The following BTRC variants were observed in gnomAD, a reference collection of about 807,000 sequenced individuals.
BTRC encodes the protein F-box/WD repeat-containing protein 1A.
A neutral mutation model predicts 85.5 loss-of-function variants in BTRC; 42 were observed. That is an observed-to-expected ratio of 0.49 (90% confidence interval 0.38 to 0.64). The LOEUF (loss-of-function observed/expected upper bound fraction) is 0.64. Ranked by LOEUF, BTRC falls within the 30% of genes least tolerant of loss-of-function variation. The pLI, the probability that BTRC is intolerant of heterozygous loss-of-function variation, is 0.00. For missense variants in BTRC, 594 were observed against 743.5 expected (o/e 0.80, Z 2.34); for synonymous variants, 255 against 263.3 (o/e 0.97, Z 0.30).
intron 2 of BTRC, among the ~76,000 whole-genome samples, chr10:101,447,836 G>T (rs1007691072): frequency 5.3e-5 from 8 of 152,026 alleles, no homozygotes; most frequent in African/African-American, 1.7e-4. Context: ...TTAAAATTAG[G>T]TTCTGGTCAA....
At chr10:101,499,011 AAAT>A (rs991241928) in intron 4 of BTRC, among the ~76,000 whole-genome samples, 6 of 152,052 alleles carry the variant, frequency 3.9e-5, no homozygotes, top group African/African-American at 9.7e-5. Flanking sequence ...AAACAGAAAA[AAAT>A]AATAATAATA....
At chr10:101,424,871 C>T (rs1396989486) in intron 1 of BTRC, among the ~76,000 whole-genome samples, 1 of 152,116 alleles carries the variant, frequency 6.6e-6, no homozygotes, top group African/African-American at 2.4e-5. Context: ...CTGCACGATG[C>T]TGAGGTTTGG....
At chr10:101,472,683 C>T (rs1035676027) in intron 3 of BTRC, among the ~76,000 whole-genome samples, 1 of 152,088 alleles carries the variant, frequency 6.6e-6, no homozygotes, top group Admixed American at 6.6e-5. Flanking sequence ...GGCATGGTGG[C>T]GCACACCTGT....
intron 1 of BTRC, among the ~76,000 whole-genome samples, chr10:101,407,241 G>C (rs1443124811): frequency 6.6e-6 from 1 of 152,086 alleles, no homozygotes; most frequent in Non-Finnish European, 1.5e-5. Context: ...CCATCTACTT[G>C]GAAGGCTGAG....
At chr10:101,502,998 A>G (rs79843468) in intron 4 of BTRC, among the ~76,000 whole-genome samples, 1,618 of 152,220 alleles carry the variant, frequency 0.011, 12 homozygotes, top group Non-Finnish European at 0.016. Context: ...CTTTATATGT[A>G]TTATTTTAAT....
intron 3 of BTRC, 45 bp from the exon 4 acceptor site, chr10:101,479,323 A>C (rs1246929318): frequency 7.0e-7 from 1 of 1,427,756 alleles, no homozygotes. Context: ...ATATGGCAGT[A>C]TTTCAATATT....
At chr10:101,380,203 G>A (rs80151341) in intron 1 of BTRC, among the ~76,000 whole-genome samples, 10,105 of 152,154 alleles carry the variant, frequency 0.066, 353 homozygotes, top group Non-Finnish European at 0.074. Context: ...ACCTCCTTGA[G>A]TCTCACTTTC....
At chr10:101,362,192 T>C (rs12416079) in intron 1 of BTRC, among the ~76,000 whole-genome samples, 55,002 of 151,798 alleles carry the variant, frequency 0.36, 11,057 homozygotes, top group Middle Eastern at 0.48. Context: ...ATCTCCTCCT[T>C]GTGATTCGCC....
At chr10:101,421,742 A>T (rs1944108043) in intron 1 of BTRC, among the ~76,000 whole-genome samples, 1 of 149,714 alleles carries the variant, frequency 6.7e-6, no homozygotes, top group African/African-American at 2.5e-5. Flanking sequence ...TGTCCTTGTG[A>T]TAGTTTGCTG....
chr10:101,374,814 G>A (rs1019534299), intron 1 of BTRC, among the ~76,000 whole-genome samples: 27 of 151,678 alleles, frequency 1.8e-4, no homozygotes, highest in East Asian at 1.4e-3. Context: ...AAGTTTATCC[G>A]CATAAAAAGT....
intron 3 of BTRC, among the ~76,000 whole-genome samples, chr10:101,462,367 G>T (rs149330036): frequency 1.3e-5 from 2 of 152,056 alleles, no homozygotes; most frequent in Admixed American, 6.6e-5. Flanking sequence ...AGAAGAAAAG[G>T]CCATTGTTAA....
At chr10:101,387,626 A>C (rs1180444278) in intron 1 of BTRC, among the ~76,000 whole-genome samples, 1 of 146,404 alleles carries the variant, frequency 6.8e-6, no homozygotes, top group East Asian at 2.0e-4. Flanking sequence ...TCCTGGGTTC[A>C]AGCGATTCTC....
Position 101,533,022 on chromosome 10 carries a change from A to G in BTRC, c.1049A>G (p.Gln350Arg). Residue 350 changes from glutamine to arginine, a missense_variant, in exon 9 of 15, where the codon CAG becomes CGG. Around this residue, in one of 4 missense-constraint regions of BTRC, gnomAD observed 373 missense variants for 503.6 expected, o/e 0.74. Coordinates refer to ENST00000370187, the MANE Select transcript of BTRC (RefSeq NM_033637.4). Reference sequence around the variant, plus strand: ...CATACAGGTTCAGTCCTCTGTCTCCAGTATGATGAGAGAGTGATCATAACA... The same window carrying G: ...CATACAGGTTCAGTCCTCTGTCTCCGGTATGATGAGAGAGTGATCATAACA... ...TGHTGSVLCL[Q>R]YDERVIITGS... is the part of the protein sequence containing the mutation. 1 of 1,613,740 alleles carries G rather than the reference A, an allele frequency of 6.2e-7. No individual in the cohort carries two copies. The highest frequency in any genetic ancestry group is 8.5e-7 in the Non-Finnish European group (1 of 1,179,790).
chr10:101,366,635 C>T (rs1192017138), intron 1 of BTRC, among the ~76,000 whole-genome samples: 2 of 149,174 alleles, frequency 1.3e-5, no homozygotes, highest in African/African-American at 2.5e-5. Flanking sequence ...TAGGAAGTAA[C>T]TTGGGTAAAG....
chr10:101,447,482 G>A (rs2134129364), intron 2 of BTRC, among the ~76,000 whole-genome samples: 1 of 152,210 alleles, frequency 6.6e-6, no homozygotes, highest in African/African-American at 2.4e-5. Context: ...TTTGGCAGGA[G>A]ATACTTTAAT....
intron 9 of BTRC, 105 bp downstream of exon 9, chr10:101,533,175 G>C: frequency 1.4e-6 from 1 of 730,592 alleles, no homozygotes. Context: ...TGAAACTAAA[G>C]AAGAATAAAC....
At chr10:101,383,057 A>ATT (rs370353886) in intron 1 of BTRC, among the ~76,000 whole-genome samples, 3,702 of 116,328 alleles carry the variant, frequency 0.032, 220 homozygotes, top group East Asian at 0.061. Flanking sequence ...TTCCCTGGAG[A>ATT]TTTTTTTTTT....
chr10:101,514,834 T>G (rs1050462298), intron 4 of BTRC, among the ~76,000 whole-genome samples: 30 of 152,342 alleles, frequency 2.0e-4, no homozygotes, highest in African/African-American at 6.7e-4. Context: ...TTTCCATTGA[T>G]CTACACTTGT....
chr10:101,379,138 G>A (rs10883631), intron 1 of BTRC, among the ~76,000 whole-genome samples: 54,887 of 152,020 alleles, frequency 0.36, 11,002 homozygotes, highest in Middle Eastern at 0.48. Flanking sequence ...ATCATATCCA[G>A]ACATGGCATT....
Sources: allele counts gnomAD v4.1 joint callset (sites outside exome capture counted in the v4.1 genomes callset), GRCh38; gene constraint gnomAD v4.1.1; regional missense constraint gnomAD v4.1.1; transcripts MANE v1.5; gene names NCBI Gene and HGNC (gene_info 2026-07-23, HGNC 2026-07-21).